The following GALNTL6 variants were observed in gnomAD, a reference collection of about 807,000 sequenced individuals.
GALNTL6 encodes the protein polypeptide N-acetylgalactosaminyltransferase like 6, also known as polypeptide N-acetylgalactosaminyltransferase-like 6.
A neutral mutation model predicts 73.7 loss-of-function variants in GALNTL6; 46 were observed. The ratio of observed to expected loss-of-function variants is 0.62; its 90% CI spans 0.49 to 0.80. GALNTL6 has a LOEUF of 0.80. GALNTL6 is among the 30% of genes least tolerant of loss of function. The pLI is 0.00. For missense variants in GALNTL6, 604 were observed against 755.0 expected, an observed-to-expected ratio of 0.80 and a Z score of 2.34; for synonymous variants, 259 against 263.7, an observed-to-expected ratio of 0.98 and a Z score of 0.17.
chr4:172,252,063 G>A (rs1737900641), intron 3 of GALNTL6, among the ~76,000 whole-genome samples: 1 of 152,032 alleles, frequency 6.6e-6, no homozygotes, highest in Non-Finnish European at 1.5e-5. Context: ...GACAGAAATT[G>A]TAGACAGGAA....
At chr4:172,627,274 C>G (rs1182788858) in intron 5 of GALNTL6, among the ~76,000 whole-genome samples, 2 of 152,028 alleles carry the variant, frequency 1.3e-5, no homozygotes, top group Non-Finnish European at 2.9e-5. Flanking sequence ...GTTTTTAATT[C>G]TCTTTATGCA....
chr4:172,524,936 C>T (rs1170739200), intron 5 of GALNTL6, among the ~76,000 whole-genome samples: 2 of 152,146 alleles, frequency 1.3e-5, no homozygotes, highest in Non-Finnish European at 2.9e-5. Context: ...TTTATATCCA[C>T]TATCTAGCTG....
chr4:172,224,566 C>T (rs974285548), intron 2 of GALNTL6, among the ~76,000 whole-genome samples: 3 of 152,140 alleles, frequency 2.0e-5, no homozygotes, highest in African/African-American at 7.2e-5. Context: ...TTTGCTCTAA[C>T]TTAGAGATAA....
At chr4:172,383,778 A>C (rs1301591215) in intron 5 of GALNTL6, among the ~76,000 whole-genome samples, 1 of 152,112 alleles carries the variant, frequency 6.6e-6, no homozygotes. Context: ...CATCGGGTTC[A>C]GGAGTTCCCT....
intron 2 of GALNTL6, among the ~76,000 whole-genome samples, chr4:171,940,561 C>G (rs1231710542): frequency 6.6e-6 from 1 of 152,018 alleles, no homozygotes; most frequent in Non-Finnish European, 1.5e-5. Flanking sequence ...GTGGCTCATG[C>G]CTGTGATTTC....
intron 7 of GALNTL6, among the ~76,000 whole-genome samples, chr4:172,878,504 G>A (rs1323269944): frequency 6.6e-6 from 1 of 151,746 alleles, no homozygotes; most frequent in Non-Finnish European, 1.5e-5. Flanking sequence ...GAGAAATAGA[G>A]CCATACTCTC....
rs190538848 is a variant in GALNTL6, at chr4:172,115,470, C to A, written c.139-114186C>A. 9.9e-5 allele frequency among the ~76,000 whole-genome samples: 15 copies of A among 152,168 alleles called. No homozygotes were observed. In the East Asian group the frequency reaches 2.5e-3, roughly 25 times the overall value. On this transcript the variant is annotated intron_variant, in intron 2 of 12. Coordinates refer to ENST00000506823, the MANE Select transcript of GALNTL6 (RefSeq NM_001034845.3). The stretch of plus-strand genomic sequence containing the variant: ...AGAAAGCACACATCTTAATCTTCTT[C>A]CATTTTTCTCAAACTCAAACTTTTT...
intron 2 of GALNTL6, among the ~76,000 whole-genome samples, chr4:172,099,499 G>C (rs923661670): frequency 2.6e-5 from 4 of 152,094 alleles, no homozygotes; most frequent in African/African-American, 9.7e-5. Context: ...AACTGCAAAA[G>C]TGTGCCCTTT....
Position 173,039,939 on chromosome 4 carries a change from A to G in GALNTL6, c.1645A>G (p.Thr549Ala). The change falls in exon 13 of 13, where the codon ACA becomes GCA. Residue 549 changes from threonine to alanine, a missense_variant. By Grantham distance (58) the Thr-to-Ala change is moderately conservative. Coordinates refer to ENST00000506823, the MANE Select transcript of GALNTL6 (RefSeq NM_001034845.3). ...TTCTTCCTCACTCCTCCAGGACAGAACATTATTCCATCCTGTGAGCAACAG... is the reference window on the plus strand; with the variant it reads ...TTCTTCCTCACTCCTCCAGGACAGAGCATTATTCCATCCTGTGAGCAACAG... Reference protein sequence around the residue: ...NQLWGYRKDRTLFHPVSNSCM... With the variant: ...NQLWGYRKDRALFHPVSNSCM... 1 of 1,613,246 alleles carries G rather than the reference A, an allele frequency of 6.2e-7. No individual in the cohort carries two copies. Among genetic ancestry groups the G allele is most frequent in the Non-Finnish European group, 8.5e-7 (1 of 1,179,714 alleles).
intron 9 of GALNTL6, among the ~76,000 whole-genome samples, chr4:172,933,963 C>T (rs917054065): frequency 6.6e-6 from 1 of 152,164 alleles, no homozygotes; most frequent in South Asian, 2.1e-4. Flanking sequence ...CACACATAGA[C>T]ACACAAATGT....
intron 2 of GALNTL6, among the ~76,000 whole-genome samples, chr4:172,110,675 A>T (rs1020667214): frequency 6.6e-6 from 1 of 152,144 alleles, no homozygotes; most frequent in African/African-American, 2.4e-5. Context: ...ACTATTAATA[A>T]ATGCTTTCTA....
chr4:171,972,497 A>G (rs1739600729), intron 2 of GALNTL6, among the ~76,000 whole-genome samples: 2 of 152,156 alleles, frequency 1.3e-5, no homozygotes, highest in African/African-American at 4.8e-5. Flanking sequence ...ATCAGAAAAG[A>G]GAGCCTGTGG....
chr4:172,651,160 C>T (rs1579289997), intron 5 of GALNTL6, among the ~76,000 whole-genome samples: 1 of 152,142 alleles, frequency 6.6e-6, no homozygotes, highest in East Asian at 1.9e-4. Flanking sequence ...TCCAGGCCTG[C>T]TTTAGGTACA....
chr4:172,945,058 CA>C (rs200461415), intron 9 of GALNTL6, among the ~76,000 whole-genome samples: 11,754 of 76,774 alleles, frequency 0.15, 575 homozygotes, highest in Non-Finnish European at 0.21. Context: ...AATTCCATCT[CA>C]AAAAAAAAAA....
At chr4:172,305,692 A>G (rs1740106768) in intron 3 of GALNTL6, among the ~76,000 whole-genome samples, 1 of 152,188 alleles carries the variant, frequency 6.6e-6, no homozygotes, top group Non-Finnish European at 1.5e-5. Flanking sequence ...ACCTATTAGA[A>G]CTTAAGATGA....
chr4:172,679,880 A>G (rs1019443804), intron 5 of GALNTL6, among the ~76,000 whole-genome samples: 2 of 152,134 alleles, frequency 1.3e-5, no homozygotes, highest in Non-Finnish European at 2.9e-5. Context: ...TCTTCTCCCA[A>G]TAATTATATT....
rs566797841 is a variant in GALNTL6 at position 173,040,912 on chromosome 4, A to G, written c.*812A>G. The G allele has an allele frequency of 2.6e-5, 4 of 152,738 alleles. No individual in the cohort carries two copies. The highest frequency in any genetic ancestry group is 1.9e-4 in the East Asian group (1 of 5,186). 9.5% of individuals were successfully genotyped at this position (152,738 alleles called of 1,614,324 possible). ...GATTTCACAGAAGCAGCAAAACCAT[A>G]TAAGATTTAGGAGAGGGACTTCCCT... On this transcript the variant is annotated 3_prime_UTR_variant, in exon 13 of 13. Coordinates refer to ENST00000506823, the MANE Select transcript of GALNTL6 (RefSeq NM_001034845.3).
intron 2 of GALNTL6, among the ~76,000 whole-genome samples, chr4:172,050,475 C>A (rs1730823460): frequency 6.6e-6 from 1 of 152,070 alleles, no homozygotes; most frequent in Non-Finnish European, 1.5e-5. Context: ...TTGGGGTGGG[C>A]AGAAAAGAAC....
intron 7 of GALNTL6, among the ~76,000 whole-genome samples, chr4:172,835,134 C>G (rs993044685): frequency 4.6e-5 from 7 of 152,168 alleles, no homozygotes; most frequent in African/African-American, 1.7e-4. Context: ...CTACCAAGGT[C>G]GCACAGGTCA....
Sources: gnomAD v4.1 joint callset for allele counts (sites outside exome capture counted in the v4.1 genomes callset) on GRCh38, gnomAD v4.1.1 for gene constraint, MANE v1.5 for transcripts, NCBI Gene and HGNC (gene_info 2026-07-23, HGNC 2026-07-21) for gene names.